SERINC5: variants seen among roughly 807,000 people sequenced by gnomAD.
The protein encoded by SERINC5 is chromosome 5 open reading frame 12.
Under a neutral mutation model 63.1 loss-of-function variants are expected in SERINC5, and 41 were observed. The observed-to-expected ratio is 0.65, with a 90% CI of 0.51 to 0.84. The LOEUF (loss-of-function observed/expected upper bound fraction) is 0.84, where lower values mean the gene tolerates loss of function less well. Ranked by LOEUF, SERINC5 falls within the 40% of genes least tolerant of loss-of-function variation. The pLI, the probability that SERINC5 is intolerant of heterozygous loss-of-function variation, is 0.00. For missense variants in SERINC5, 523 were observed against 573.0 expected, an observed-to-expected ratio of 0.91 and a Z score of 0.89; for synonymous variants, 222 against 215.2, an observed-to-expected ratio of 1.03 and a Z score of -0.28.
intron 1 of SERINC5, among the ~76,000 whole-genome samples, chr5:80,211,863 A>G (rs1750446726): frequency 6.6e-6 from 1 of 152,244 alleles, no homozygotes; most frequent in Admixed American, 6.5e-5. Context: ...TAGGAATGAA[A>G]GAAGTATCCT....
chr5:80,201,922 G>A lies in SERINC5; in HGVS notation c.195+964C>T, dbSNP rs1580160770. Among the ~76,000 whole-genome samples the A allele has an allele frequency of 2.6e-5, 4 of 152,326 alleles. No individual in the cohort carries two copies. The South Asian group carries it at 8.3e-4, about 32-fold the overall frequency. On this transcript the variant is annotated intron_variant, in intron 2 of 11. Coordinates refer to ENST00000507668, the MANE Select transcript of SERINC5 (RefSeq NM_001174072.3). ...ATACTTCCTATGTAGGCCAAATTAA[G>A]TGTTTCAGCTGCTATTTGAAATCCT...
chr5:80,201,154 T>TCA (rs1013244310), intron 2 of SERINC5, among the ~76,000 whole-genome samples: 8 of 152,112 alleles, frequency 5.3e-5, no homozygotes, highest in African/African-American at 1.7e-4. Context: ...AGCCCTAGTT[T>TCA]CAGCACAGGT....
intron 2 of SERINC5, among the ~76,000 whole-genome samples, chr5:80,178,893 TACACA>T (rs947600850): frequency 1.3e-5 from 2 of 152,126 alleles, no homozygotes; most frequent in African/African-American, 4.8e-5. Context: ...TACATATACA[TACACA>T]ACACACATAC....
chr5:80,237,706 T>C (rs1408204022), intron 1 of SERINC5, among the ~76,000 whole-genome samples: 1 of 151,820 alleles, frequency 6.6e-6, no homozygotes, highest in African/African-American at 2.4e-5. Context: ...AAATGAGCAT[T>C]GGTGTTCCTC....
At chr5:80,176,646 T>A (rs1748050833) in intron 4 of SERINC5, among the ~76,000 whole-genome samples, 1 of 152,186 alleles carries the variant, frequency 6.6e-6, no homozygotes, top group African/African-American at 2.4e-5. Flanking sequence ...TTGGCCAGGC[T>A]GGTCTCAGAC....
chr5:80,158,609 G>A (rs939940787), intron 8 of SERINC5: 8 of 480,278 alleles, frequency 1.7e-5, no homozygotes, highest in Middle Eastern at 5.6e-4. Flanking sequence ...TAAGGTAAAC[G>A]AAGTTCAAAT....
chr5:80,127,238 T>C (rs1744779376), intron 11 of SERINC5, among the ~76,000 whole-genome samples: 1 of 152,182 alleles, frequency 6.6e-6, no homozygotes, highest in Non-Finnish European at 1.5e-5. Flanking sequence ...CATATTCTCA[T>C]CTCCTTGACC....
intron 11 of SERINC5, among the ~76,000 whole-genome samples, chr5:80,121,152 A>G (rs1580015026): frequency 6.6e-6 from 1 of 152,154 alleles, no homozygotes; most frequent in East Asian, 1.9e-4. Context: ...CTCCCAAAGT[A>G]CTGGGATTAC....
In SERINC5 at chr5:80,140,327, AAAAAAG is replaced by A; in HGVS notation, c.*3330_*3335del. ...CTCCAAAAAAAAAAAAAAAAAAAAA[AAAAAAG>A]GCTTAGGGTGACAATTTTGACATGG... On this transcript the variant is annotated 3_prime_UTR_variant, in exon 12 of 12. Transcript: ENST00000507668. The A allele has an allele frequency of 1.4e-5, 13 of 930,836 alleles. No individual in the cohort carries two copies. Among genetic ancestry groups the A allele is most frequent in the Middle Eastern group, 5.6e-4 (1 of 1,788 alleles). 57.7% of individuals were successfully genotyped at this position (930,836 alleles called of 1,614,324 possible).
At chr5:80,223,029 T>A (rs528223602) in intron 1 of SERINC5, among the ~76,000 whole-genome samples, 2 of 152,054 alleles carry the variant, frequency 1.3e-5, no homozygotes, top group South Asian at 2.1e-4. Context: ...TAATTTTTTT[T>A]ATTTTTTTAT....
chr5:80,160,796 G>T (rs1219787224), intron 7 of SERINC5, among the ~76,000 whole-genome samples: 1 of 151,744 alleles, frequency 6.6e-6, no homozygotes, highest in Non-Finnish European at 1.5e-5. Flanking sequence ...TGCAGTATTT[G>T]TCTGTGTCTG....
At chr5:80,118,512 G>A (rs867092615) in intron 11 of SERINC5, among the ~76,000 whole-genome samples, 1 of 152,098 alleles carries the variant, frequency 6.6e-6, no homozygotes, top group Middle Eastern at 3.4e-3. Flanking sequence ...AGGGGCCAGG[G>A]ATCTCTCTTC....
In SERINC5 at chr5:80,113,505, T is replaced by C. The variant is rs146163285; in HGVS notation, c.*29+67A>G. The C allele has an allele frequency of 1.8e-3, 320 of 182,686 alleles. 3 individuals carry two copies. The highest frequency in any genetic ancestry group is 7.2e-3 in the African/African-American group (305 of 42,372). 11.3% of individuals were successfully genotyped at this position (182,686 alleles called of 1,614,324 possible). On this transcript the variant is annotated intron_variant, in intron 12 of 12. Transcript: ENST00000509193. ...ACGAGGGGATATGCATTGTATTAGT[T>C]TGTTTTCATGCTGCTGATAAAGACA...
At chr5:80,232,782 CA>C (rs917275576) in intron 1 of SERINC5, among the ~76,000 whole-genome samples, 34 of 141,812 alleles carry the variant, frequency 2.4e-4, no homozygotes, top group South Asian at 2.2e-4. Flanking sequence ...AACTCCATCT[CA>C]AAAAAAAAAA....
chr5:80,129,115 C>T (rs2028270), intron 11 of SERINC5: 1 of 152,012 alleles, frequency 6.6e-6, no homozygotes, highest in Non-Finnish European at 1.5e-5. Context: ...GTATGGAAAA[C>T]ACATGGCTGC....
At chr5:80,184,220 T>G (rs1748660358) in intron 2 of SERINC5, among the ~76,000 whole-genome samples, 1 of 152,132 alleles carries the variant, frequency 6.6e-6, no homozygotes, top group South Asian at 2.1e-4. Flanking sequence ...CTCTAAAACA[T>G]TCCCTAAATT....
At chr5:80,187,092 G>A (rs1423253792) in intron 2 of SERINC5, among the ~76,000 whole-genome samples, 1 of 152,102 alleles carries the variant, frequency 6.6e-6, no homozygotes, top group African/African-American at 2.4e-5. Context: ...CTTGAACCCA[G>A]GAAGAAGAGG....
intron 2 of SERINC5, among the ~76,000 whole-genome samples, chr5:80,182,874 C>G (rs549294348): frequency 8.5e-5 from 13 of 152,068 alleles, no homozygotes; most frequent in Non-Finnish European, 1.5e-4. Flanking sequence ...ATTGCTTTTT[C>G]TCCTGTAATT....
intron 2 of SERINC5, 27 bp downstream of exon 2, chr5:80,202,859 G>A (rs568434760): frequency 1.9e-6 from 3 of 1,587,674 alleles, no homozygotes; most frequent in East Asian, 2.3e-5. Flanking sequence ...ATCGGAAATA[G>A]GACGAGCTGA....
Sources: allele counts gnomAD v4.1 joint callset (sites outside exome capture counted in the v4.1 genomes callset), GRCh38; gene constraint gnomAD v4.1.1; transcripts MANE v1.5; gene names NCBI Gene and HGNC (gene_info 2026-07-23, HGNC 2026-07-21).